TRPC1: variants seen among roughly 807,000 people sequenced by gnomAD.
TRPC1 encodes the protein transient receptor potential cation channel subfamily C member 1, also known as short transient receptor potential channel 1.
A neutral mutation model predicts 88.2 loss-of-function variants in TRPC1; 42 were observed. The ratio of observed to expected loss-of-function variants is 0.48; its 90% CI spans 0.37 to 0.62. TRPC1 has a LOEUF of 0.62. Ranked by LOEUF, TRPC1 falls within the 20% of genes least tolerant of loss-of-function variation. The pLI, the probability that TRPC1 is intolerant of heterozygous loss-of-function variation, is 0.00. For synonymous variants in TRPC1, 288 were observed against 331.8 expected, an observed-to-expected ratio of 0.87 and a Z score of 1.43; for missense variants, 699 against 957.3, an observed-to-expected ratio of 0.73 and a Z score of 3.56.
intron 1 of TRPC1, among the ~76,000 whole-genome samples, chr3:142,730,266 T>G (rs1192413557): frequency 1.3e-5 from 2 of 152,158 alleles, no homozygotes; most frequent in Admixed American, 1.3e-4. Flanking sequence ...TTTTATCAAC[T>G]GATTTACTAT....
chr3:142,725,019 G>T (rs1465918688), intron 1 of TRPC1, among the ~76,000 whole-genome samples: 1 of 152,188 alleles, frequency 6.6e-6, no homozygotes, highest in Non-Finnish European at 1.5e-5. Context: ...CGACCCCAGC[G>T]TTTTAGCGCC....
rs1168653860 is a variant in TRPC1 at position 142,736,643 on chromosome 3, TTTTC to T, written c.327+118_327+121del. On this transcript the variant is annotated intron_variant, in intron 2 of 12. Coordinates refer to ENST00000476941, the MANE Select transcript of TRPC1 (RefSeq NM_001251845.2). ...CTTTTTCCTCCTCTTCTTCCTTTCTTTTTCTTTCTTTGTCTCTCTTACTCTCCTT... is the reference window on the plus strand; with the variant it reads ...CTTTTTCCTCCTCTTCTTCCTTTCTTTTTCTTTGTCTCTCTTACTCTCCTT... 5 of 1,020,722 alleles carry T rather than the reference TTTTC, an allele frequency of 4.9e-6. No individual in the cohort carries two copies. The Admixed American group carries it at 8.6e-5, about 18-fold the overall frequency. 63.2% of individuals were successfully genotyped at this position (1,020,722 alleles called of 1,614,324 possible).
intron 4 of TRPC1, among the ~76,000 whole-genome samples, chr3:142,775,447 C>T (rs1000474532): frequency 2.0e-5 from 3 of 152,028 alleles, no homozygotes; most frequent in East Asian, 1.9e-4. Flanking sequence ...GGCAAAACCC[C>T]GTCTTTACTA....
chr3:142,793,988 A>G (rs1336844346), intron 9 of TRPC1: 1 of 768,888 alleles, frequency 1.3e-6, no homozygotes, highest in Non-Finnish European at 1.6e-6. Context: ...TGTATACTGT[A>G]TACCTCTTGG....
intron 7 of TRPC1, among the ~76,000 whole-genome samples, chr3:142,790,781 A>T (rs948661921): frequency 1.7e-4 from 26 of 151,890 alleles, no homozygotes; most frequent in Admixed American, 1.1e-3. Context: ...TTGGTTTCTT[A>T]CGTTTGTTCC....
intron 9 of TRPC1, among the ~76,000 whole-genome samples, chr3:142,797,791 AG>A (rs1578009699): frequency 1.3e-5 from 2 of 152,238 alleles, no homozygotes; most frequent in East Asian, 3.9e-4. Flanking sequence ...TTCCTTTTAT[AG>A]TTAGTTAACT....
chr3:142,748,147 ATAAT>A (rs1934625623), intron 3 of TRPC1, 107 bp from the exon 4 acceptor site: 1 of 1,025,024 alleles, frequency 9.8e-7, no homozygotes, highest in South Asian at 1.7e-5. Context: ...TATTCCTTAA[ATAAT>A]TCTTAAGTTC....
chr3:142,805,856 A>T, intron 12 of TRPC1, 152 bp from the exon 13 acceptor site: 1 of 587,816 alleles, frequency 1.7e-6, no homozygotes, highest in Non-Finnish European at 2.9e-6. Context: ...TATTTGTTTT[A>T]AACAAGTGTT....
chr3:142,792,443 A>C lies in TRPC1; in HGVS notation c.1438-381A>C, dbSNP rs1431171736. On this transcript the variant is annotated intron_variant, in intron 8 of 12. Transcript: ENST00000476941. The surrounding 1 kb of genome is among the most constrained non-coding windows in gnomAD (Gnocchi z 4.0). The stretch of plus-strand genomic sequence containing the variant: ...AAAAAAACTCTGAATTCCAAGTCAA[A>C]GCAGTAGGTTAATGTAATATGATAG... 6.6e-6 allele frequency among the ~76,000 whole-genome samples: 1 copy of C among 152,038 alleles called. No homozygotes were observed. Among genetic ancestry groups the C allele is most frequent in the Non-Finnish European group, 1.5e-5 (1 of 67,954 alleles).
At position 142,787,808 on chromosome 3, in the gene TRPC1, T is replaced by C. The variant is rs146140386; in HGVS notation, c.1297+2768T>C. Among the ~76,000 whole-genome samples, 45 of 152,334 alleles carry C rather than the reference T, an allele frequency of 3.0e-4. No individual in the cohort carries two copies. The East Asian group carries it at 8.1e-3, about 27-fold the overall frequency. On this transcript the variant is annotated intron_variant, in intron 7 of 12. Coordinates refer to ENST00000476941, the MANE Select transcript of TRPC1 (RefSeq NM_001251845.2). ...AGAGTAAGCATATTATAGGGGCATTTGCCCTAGTCAGGGAGGTTGGGAAAG... is the reference window on the plus strand; with the variant it reads ...AGAGTAAGCATATTATAGGGGCATTCGCCCTAGTCAGGGAGGTTGGGAAAG...
At chr3:142,797,812 C>T (rs543644353) in intron 9 of TRPC1, among the ~76,000 whole-genome samples, 1 of 151,896 alleles carries the variant, frequency 6.6e-6, no homozygotes, top group Non-Finnish European at 1.5e-5. Context: ...TATGGCAGAC[C>T]TGAAAAATAA....
At chr3:142,736,572 T>A in intron 2 of TRPC1, 39 bp downstream of exon 2, 2 of 1,513,150 alleles carry the variant, frequency 1.3e-6, no homozygotes, top group Non-Finnish European at 1.8e-6. Flanking sequence ...AACTTCTAAG[T>A]GCTGTTAGAT....
chr3:142,764,562 C>A (rs1467520527), intron 4 of TRPC1, among the ~76,000 whole-genome samples: 1 of 151,640 alleles, frequency 6.6e-6, no homozygotes, highest in Non-Finnish European at 1.5e-5. Flanking sequence ...GCTTTTTTTT[C>A]CCTTTGGGCA....
chr3:142,766,484 TC>T (rs1184695843), intron 4 of TRPC1, among the ~76,000 whole-genome samples: 4 of 151,630 alleles, frequency 2.6e-5, no homozygotes, highest in Non-Finnish European at 2.9e-5. Context: ...CACTGCAACT[TC>T]CACATCCTGG....
At chr3:142,787,079 C>T (rs1339586822) in intron 7 of TRPC1, among the ~76,000 whole-genome samples, 1 of 152,128 alleles carries the variant, frequency 6.6e-6, no homozygotes, top group Non-Finnish European at 1.5e-5. Flanking sequence ...CATGGGTACC[C>T]CCTTACACAC....
intron 4 of TRPC1, among the ~76,000 whole-genome samples, chr3:142,756,521 G>A (rs1200133555): frequency 2.0e-5 from 3 of 152,030 alleles, no homozygotes; most frequent in Middle Eastern, 3.4e-3. Flanking sequence ...CACCACGCCC[G>A]GCTAATTTTT....
At chr3:142,779,920 T>C (rs1195990518) in intron 5 of TRPC1, among the ~76,000 whole-genome samples, 1 of 150,162 alleles carries the variant, frequency 6.7e-6, no homozygotes, top group Non-Finnish European at 1.5e-5. Flanking sequence ...CCATTTTGGC[T>C]CACTGCAACC....
At chr3:142,753,376 T>C (rs1934845822) in intron 4 of TRPC1, among the ~76,000 whole-genome samples, 1 of 152,238 alleles carries the variant, frequency 6.6e-6, no homozygotes, top group African/African-American at 2.4e-5. Context: ...TAATGATCTT[T>C]GAGAAAACAT....
chr3:142,771,225 A>G (rs981420073), intron 4 of TRPC1, among the ~76,000 whole-genome samples: 1 of 152,210 alleles, frequency 6.6e-6, no homozygotes, highest in Non-Finnish European at 1.5e-5. Context: ...TCCAAACTAT[A>G]TCATGTAGCA....
Sources: gnomAD v4.1 joint callset for allele counts (sites outside exome capture counted in the v4.1 genomes callset) on GRCh38, gnomAD v4.1.1 for gene constraint, Gnocchi (gnomAD v3.1) non-coding constraint, MANE v1.5 for transcripts, NCBI Gene and HGNC (gene_info 2026-07-23, HGNC 2026-07-21) for gene names.